PLEKHG1: variants seen among roughly 807,000 people sequenced by gnomAD.
PLEKHG1 encodes pleckstrin homology and RhoGEF domain containing G1, also known as pleckstrin homology domain-containing family G member 1.
A neutral mutation model predicts 100.8 loss-of-function variants in PLEKHG1; 44 were observed. That is an observed-to-expected ratio of 0.44 (90% CI 0.34 to 0.56). PLEKHG1 has a LOEUF of 0.56. Among genes scored for constraint, PLEKHG1 ranks in the 20% least tolerant of loss-of-function variants. The pLI is 0.01. For missense variants in PLEKHG1, 1,545 were observed against 1,720.9 expected (o/e 0.90, Z 1.81); for synonymous variants, 640 against 662.5 (o/e 0.97, Z 0.52).
At chr6:150,737,734 G>T (rs1782646512) in intron 2 of PLEKHG1, among the ~76,000 whole-genome samples, 1 of 152,166 alleles carries the variant, frequency 6.6e-6, no homozygotes, top group South Asian at 2.1e-4. Flanking sequence ...TAAGAAAAGT[G>T]CTGCTCATTG....
At chr6:150,679,004 TAATA>T (rs1257340380) in intron 3 of PLEKHG1, among the ~76,000 whole-genome samples, 2 of 152,178 alleles carry the variant, frequency 1.3e-5, no homozygotes, top group African/African-American at 2.4e-5. Flanking sequence ...AGAAAATAAG[TAATA>T]AATCTCTGAA....
At chr6:150,808,997 C>A in intron 7 of PLEKHG1, 108 bp from the exon 9 acceptor site, 1 of 846,638 alleles carries the variant, frequency 1.2e-6, no homozygotes, top group Non-Finnish European at 1.9e-6. Context: ...AGTTAGACCC[C>A]CTCAGGGACG....
chr6:150,808,932 T>C (rs766159483), intron 7 of PLEKHG1, among the ~76,000 whole-genome samples, 173 bp from the exon 9 acceptor site: 1 of 152,192 alleles, frequency 6.6e-6, no homozygotes, highest in Non-Finnish European at 1.5e-5. Context: ...AACCCTTAAG[T>C]GGCACCACTT....
At chr6:150,638,115 C>G (rs770806480) in exon 2 of PLEKHG1, 1 of 152,102 alleles carries the variant, frequency 6.6e-6, no homozygotes, top group Admixed American at 6.6e-5. Context: ...ATTGCCCTGG[C>G]CCTTAAGAAG....
Position 150,683,154 on chromosome 6 carries a change from G to A in PLEKHG1, c.-99+32368G>A, listed in dbSNP as rs1301895476. Among the ~76,000 whole-genome samples the A allele has an allele frequency of 2.0e-5, 3 of 152,192 alleles. No individual in the cohort carries two copies. Among genetic ancestry groups the A allele is most frequent in the Admixed American group, 6.5e-5 (1 of 15,280 alleles). ...GAGACTCCAGAGAGACACATGGCCCGAGTCAACCTTATCCTCTGTAGAGGG... is the reference window on the plus strand; with the variant it reads ...GAGACTCCAGAGAGACACATGGCCCAAGTCAACCTTATCCTCTGTAGAGGG... On this transcript the variant is annotated intron_variant, in intron 3 of 3. Coordinates refer to the PLEKHG1 transcript ENST00000367326. The surrounding 1 kb of genome is among the most constrained non-coding windows in gnomAD (Gnocchi z 4.0).
chr6:150,723,279 T>C (rs1781794397), intron 1 of PLEKHG1, among the ~76,000 whole-genome samples: 1 of 152,194 alleles, frequency 6.6e-6, no homozygotes. Context: ...GCAAATCCTC[T>C]GACCAAAAGG....
At chr6:150,722,566 C>A (rs1159236888) in intron 1 of PLEKHG1, among the ~76,000 whole-genome samples, 1 of 152,026 alleles carries the variant, frequency 6.6e-6, no homozygotes, top group East Asian at 1.9e-4. Flanking sequence ...GTTAGCCAGG[C>A]TGGTCTCAAA....
intron 3 of PLEKHG1, among the ~76,000 whole-genome samples, chr6:150,687,188 G>C (rs1019660245): frequency 6.6e-6 from 1 of 152,144 alleles, no homozygotes. Context: ...GACTTCAGTA[G>C]TCACGTAATA....
intron 3 of PLEKHG1, among the ~76,000 whole-genome samples, chr6:150,686,161 A>T (rs1780122605): frequency 6.6e-6 from 1 of 152,240 alleles, no homozygotes; most frequent in Admixed American, 6.5e-5. Flanking sequence ...GCTGGTCAGG[A>T]TGAGGCACCT....
intron 1 of PLEKHG1, among the ~76,000 whole-genome samples, chr6:150,732,275 T>G (rs1782309683): frequency 6.6e-6 from 1 of 152,198 alleles, no homozygotes; most frequent in African/African-American, 2.4e-5. Flanking sequence ...ATATGCGTCA[T>G]ATAATTACAT....
intron 1 of PLEKHG1, among the ~76,000 whole-genome samples, chr6:150,729,699 T>C (rs1782146583): frequency 1.3e-5 from 2 of 152,228 alleles, no homozygotes; most frequent in African/African-American, 4.8e-5. Context: ...GTCTTTAGTT[T>C]GGGGTGGTAA....
At chr6:150,688,052 AG>A (rs1302348899) in intron 3 of PLEKHG1, among the ~76,000 whole-genome samples, 2 of 152,228 alleles carry the variant, frequency 1.3e-5, no homozygotes, top group African/African-American at 4.8e-5. Context: ...TCATTTAACC[AG>A]GTATCCAAAC....
At chr6:150,732,159 G>A (rs1782300939) in intron 1 of PLEKHG1, among the ~76,000 whole-genome samples, 1 of 151,928 alleles carries the variant, frequency 6.6e-6, no homozygotes, top group Non-Finnish European at 1.5e-5. Context: ...TAGAGACGAG[G>A]TTTCACCATT....
At chr6:150,816,326 CT>C (rs1173343082) in intron 10 of PLEKHG1, among the ~76,000 whole-genome samples, 163 of 41,090 alleles carry the variant, frequency 4.0e-3, no homozygotes, top group African/African-American at 6.2e-3. Context: ...CTCAAACATA[CT>C]TTTTTTTTTT....
At chr6:150,810,478 A>G (rs1787428738) in intron 10 of PLEKHG1, among the ~76,000 whole-genome samples, 1 of 101,620 alleles carries the variant, frequency 9.8e-6, no homozygotes, top group South Asian at 2.6e-4. Context: ...AAAAGAAAGA[A>G]AGAAAGAAGG....
At chr6:150,667,354 G>C (rs935573132) in intron 3 of PLEKHG1, among the ~76,000 whole-genome samples, 5 of 152,096 alleles carry the variant, frequency 3.3e-5, no homozygotes, top group South Asian at 2.1e-4. Context: ...TTTGACTAAG[G>C]ATTGACTCTG....
intron 2 of PLEKHG1, among the ~76,000 whole-genome samples, chr6:150,760,344 A>T (rs1784084539): frequency 1.3e-5 from 2 of 152,204 alleles, no homozygotes; most frequent in Admixed American, 6.5e-5. Flanking sequence ...GAGAGTAAAA[A>T]GGTAGTTTAA....
intron 15 of PLEKHG1, among the ~76,000 whole-genome samples, chr6:150,832,448 G>C (rs994015074): frequency 2.0e-5 from 3 of 152,158 alleles, no homozygotes; most frequent in African/African-American, 7.2e-5. Context: ...TAACTGCAGA[G>C]ATAATATTTT....
intron 3 of PLEKHG1, among the ~76,000 whole-genome samples, chr6:150,709,620 A>C (rs1481842426): frequency 2.6e-5 from 4 of 152,196 alleles, no homozygotes; most frequent in African/African-American, 9.7e-5. Context: ...ATTTTGAATC[A>C]CAGAGAGGTT....
Sources: gnomAD v4.1 joint callset for allele counts (sites outside exome capture counted in the v4.1 genomes callset) on GRCh38, gnomAD v4.1.1 for gene constraint, Gnocchi (gnomAD v3.1) non-coding constraint, MANE v1.5 for transcripts, NCBI Gene and HGNC (gene_info 2026-07-23, HGNC 2026-07-21) for gene names.